The following DHRS4L2 variants were observed in gnomAD, a reference collection of about 807,000 sequenced individuals.
DHRS4L2 encodes dehydrogenase/reductase 4 like 2.
A neutral mutation model predicts 23.9 loss-of-function variants in DHRS4L2; 22 were observed. That is an observed-to-expected ratio of 0.92 (90% CI 0.66 to 1.31). The LOEUF is 1.31. DHRS4L2 is among the 40% of genes most tolerant of loss of function. The pLI, the probability that DHRS4L2 is intolerant of heterozygous loss-of-function variation, is 0.00. For missense variants in DHRS4L2, 385 were observed against 303.3 expected, an observed-to-expected ratio of 1.27 and a Z score of -2.00; for synonymous variants, 141 against 123.7, an observed-to-expected ratio of 1.14 and a Z score of -0.93.
upstream of DHRS4L2, chr14:23,988,695 G>C (rs530356551): frequency 3.6e-6 from 4 of 1,099,914 alleles, no homozygotes; most frequent in South Asian, 9.0e-5. Context: ...GAGCCCTACA[G>C]GCAACTTGAA....
intron 4 of DHRS4L2, 41 bp from the exon 5 acceptor site, chr14:24,000,992 G>T (rs761313175): frequency 6.2e-7 from 1 of 1,611,376 alleles, no homozygotes; most frequent in Admixed American, 1.7e-5. Context: ...TGAGGGCAGT[G>T]GTCCACACTG....
intron 1 of DHRS4L2, among the ~76,000 whole-genome samples, chr14:23,972,372 G>C (rs1364733886): frequency 1.3e-5 from 2 of 151,920 alleles, no homozygotes; most frequent in East Asian, 3.9e-4. Context: ...CGTTCCTCCT[G>C]TCTGGAGTTG....
chr14:24,001,149 T>C (rs2034480301), intron 5 of DHRS4L2, 65 bp downstream of exon 5: 2 of 1,609,142 alleles, frequency 1.2e-6, no homozygotes, highest in Non-Finnish European at 1.7e-6. Flanking sequence ...ACCCCTCCTA[T>C]TACCCAAAGA....
chr14:23,997,920 A>G (rs2034414048), intron 3 of DHRS4L2, among the ~76,000 whole-genome samples: 1 of 151,878 alleles, frequency 6.6e-6, no homozygotes, highest in African/African-American at 2.4e-5. Context: ...AACTTTGCCA[A>G]CATCCATCAG....
intron 7 of DHRS4L2, among the ~76,000 whole-genome samples, chr14:24,005,222 G>GTCTTT (rs766439747): frequency 5.4e-5 from 6 of 110,148 alleles, no homozygotes; most frequent in Middle Eastern, 3.7e-3. Flanking sequence ...GTTTTTCTTT[G>GTCTTT]TCTTTTCTTT....
In DHRS4L2 at chr14:23,972,030, TGGCAA is replaced by T. The variant is rs1239975651; in HGVS notation, c.-176+1699_-176+1703del. On this transcript the variant is annotated intron_variant, in intron 1 of 5. Transcript: ENST00000534993. The stretch of plus-strand genomic sequence containing the variant: ...AATGCCCCAATTAAAAGACACAGAC[TGGCAA>T]ATTGGATAAAGAATCAAGACCCATA... Among the ~76,000 whole-genome samples the T allele has an allele frequency of 1.2e-3, 181 of 152,150 alleles. 1 individual carries two copies. The highest frequency in any genetic ancestry group is 4.2e-3 in the African/African-American group (174 of 41,550).
At chr14:23,987,107 C>G (rs528342474), upstream of DHRS4L2, 6 of 264,590 alleles carry the variant, frequency 2.3e-5, no homozygotes, top group Admixed American at 2.1e-4. Flanking sequence ...CGCCATACAC[C>G]CCCTTTTGAA....
chr14:23,990,251 G>A lies in DHRS4L2; in HGVS notation c.198G>A (p.Gln66=), dbSNP rs750631907. 4.8e-5 allele frequency: 77 copies of A among 1,612,732 alleles called. 4 individuals carry two copies. The highest frequency in any genetic ancestry group is 6.5e-5 in the Non-Finnish European group (77 of 1,179,368). ...ACGTGGTCGTCAGCAGCCGGAAGCA[G>A]CAGAATGTGGACCAGGCGGTGGCCA... ...RAHVVVSSRK[Q]QNVDQAVATL... is the part of the protein sequence containing the mutation. The change falls in exon 2 of 8, where the codon CAG becomes CAA. Residue 66 remains glutamine, a synonymous_variant. Coordinates refer to ENST00000335125, the MANE Select transcript of DHRS4L2 (RefSeq NM_198083.4).
chr14:23,995,507 C>G (rs74036734), intron 3 of DHRS4L2, among the ~76,000 whole-genome samples: 29,769 of 151,620 alleles, frequency 0.2, 4,192 homozygotes, highest in African/African-American at 0.36. Context: ...CTGACAAAAA[C>G]TAATCATTTT....
rs1237542328 is a variant in DHRS4L2, at chr14:24,001,309, G to A, written c.532-75G>A. Reference sequence around the variant, plus strand: ...TTACAGGAGATCCCTACTGAGCACTGCCCTCTATGTCTAGTTATTAGAACC... The same window carrying A: ...TTACAGGAGATCCCTACTGAGCACTACCCTCTATGTCTAGTTATTAGAACC... On this transcript the variant is annotated intron_variant, in intron 5 of 7. Transcript: ENST00000335125. 5.1e-6 allele frequency: 8 copies of A among 1,577,846 alleles called. 2 individuals carry two copies. The South Asian group carries it at 9.4e-5, about 19-fold the overall frequency.
chr14:23,973,275 G>A (rs1230365453), intron 1 of DHRS4L2, among the ~76,000 whole-genome samples: 2 of 151,974 alleles, frequency 1.3e-5, no homozygotes, highest in East Asian at 3.9e-4. Context: ...GTGGCTTTCT[G>A]CAGTGCATTG....
At chr14:23,991,361 T>C (rs879811341) in intron 2 of DHRS4L2, among the ~76,000 whole-genome samples, 2 of 151,854 alleles carry the variant, frequency 1.3e-5, no homozygotes, top group Admixed American at 6.6e-5. Context: ...AAGCCCAAGA[T>C]TGGGGCCTTG....
chr14:24,004,286 A>G (rs566623112), intron 6 of DHRS4L2, 51 bp from the exon 7 acceptor site: 4 of 1,531,104 alleles, frequency 2.6e-6, no homozygotes, highest in East Asian at 4.8e-5. Flanking sequence ...AAAAAAAAAA[A>G]AAGAAAGGAA....
intron 2 of DHRS4L2, among the ~76,000 whole-genome samples, chr14:23,993,637 A>G (rs1178437371): frequency 6.6e-6 from 1 of 151,648 alleles, no homozygotes; most frequent in Admixed American, 6.6e-5. Flanking sequence ...CACACGCCTC[A>G]CTATCTACTT....
chr14:24,005,541 T>G (rs2034555323), intron 7 of DHRS4L2, among the ~76,000 whole-genome samples: 2 of 152,132 alleles, frequency 1.3e-5, no homozygotes, highest in Non-Finnish European at 2.9e-5. Flanking sequence ...GATACTTTAG[T>G]GTGTGCACAT....
intron 1 of DHRS4L2, among the ~76,000 whole-genome samples, chr14:23,970,921 G>A (rs568668532): frequency 1.3e-5 from 2 of 152,184 alleles, no homozygotes; most frequent in Admixed American, 6.5e-5. Flanking sequence ...GAAAGGAATA[G>A]CATCAACATC....
chr14:24,005,674 G>A (rs1341393813), intron 7 of DHRS4L2, among the ~76,000 whole-genome samples: 1 of 151,834 alleles, frequency 6.6e-6, no homozygotes, highest in Non-Finnish European at 1.5e-5. Context: ...TGAATATTAT[G>A]GGTAATAGTT....
chr14:23,973,116 C>G (rs1280602734), intron 1 of DHRS4L2, among the ~76,000 whole-genome samples: 1 of 151,962 alleles, frequency 6.6e-6, no homozygotes, highest in Non-Finnish European at 1.5e-5. Context: ...AGAGGCTTTC[C>G]TCTTTTACTA....
chr14:24,001,957 C>CTTGTTTTTTTTTTTTTTTTTTTTTT lies in DHRS4L2; in HGVS notation c.665+442_665+443insGTTTTTTTTTTTTTTTTTTTTTTTT. 3.6e-4 allele frequency among the ~76,000 whole-genome samples: 2 copies of CTTGTTTTTTTTTTTTTTTTTTTTTT among 5,516 alleles called. 1 individual carries two copies. The highest frequency in any genetic ancestry group is 4.5e-4 in the Non-Finnish European group (2 of 4,494). The allele number at this position is 5,516 out of a possible 152,430, so 3.6% of individuals were successfully genotyped here. On this transcript the variant is annotated intron_variant, in intron 6 of 7. Coordinates refer to ENST00000335125, the MANE Select transcript of DHRS4L2 (RefSeq NM_198083.4). ...CCTTTCCATTCTTCACTTTCCTCTT[C>CTTGTTTTTTTTTTTTTTTTTTTTTT]TTTTTTTTTTTTTTTTCTTTTTTAA...
Sources: allele counts gnomAD v4.1 joint callset (sites outside exome capture counted in the v4.1 genomes callset), GRCh38; gene constraint gnomAD v4.1.1; transcripts MANE v1.5; gene names NCBI Gene and HGNC (gene_info 2026-07-23, HGNC 2026-07-21).